Variants in PDE3A observed in about 807,000 individuals in gnomAD.
PDE3A encodes the protein phosphodiesterase 3A, also known as cGMP-inhibited 3',5'-cyclic phosphodiesterase 3A.
Under a neutral mutation model 98.3 loss-of-function variants are expected in PDE3A, and 43 were observed. That is an observed-to-expected ratio of 0.44 (90% CI 0.34 to 0.56). The LOEUF (loss-of-function observed/expected upper bound fraction) is 0.56, where lower values mean the gene tolerates loss of function less well. Among genes scored for constraint, PDE3A ranks in the 20% least tolerant of loss-of-function variants. PDE3A has a pLI of 0.01. For missense variants in PDE3A, 1,427 were observed against 1,440.7 expected (o/e 0.99, Z 0.15); for synonymous variants, 663 against 567.9 (o/e 1.17, Z -2.38).
intron 4 of PDE3A, among the ~76,000 whole-genome samples, chr12:20,619,177 T>C (rs1308631729): frequency 6.6e-6 from 1 of 152,170 alleles, no homozygotes; most frequent in East Asian, 1.9e-4. Context: ...TATAATACAT[T>C]GATTTATTGT....
chr12:20,566,722 G>GAA (rs1264135496), intron 2 of PDE3A, among the ~76,000 whole-genome samples: 1 of 151,844 alleles, frequency 6.6e-6, no homozygotes, highest in Non-Finnish European at 1.5e-5. Context: ...GGAAAATATA[G>GAA]AAAAGACCAT....
chr12:20,576,582 A>T (rs1942937502), intron 2 of PDE3A, among the ~76,000 whole-genome samples: 1 of 152,268 alleles, frequency 6.6e-6, no homozygotes, highest in African/African-American at 2.4e-5. Context: ...ATGTGAAAGG[A>T]CTATATCCAC....
At chr12:20,558,636 G>GATT (rs992788814) in intron 2 of PDE3A, among the ~76,000 whole-genome samples, 8 of 151,418 alleles carry the variant, frequency 5.3e-5, no homozygotes, top group African/African-American at 1.9e-4. Context: ...ATTTCAGGTA[G>GATT]ATAAATTAAG....
intron 1 of PDE3A, among the ~76,000 whole-genome samples, chr12:20,553,946 T>G (rs1167407962): frequency 6.6e-6 from 1 of 152,054 alleles, no homozygotes; most frequent in East Asian, 1.9e-4. Context: ...TTACATTCAA[T>G]TTTTTTAACT....
chr12:20,553,591 A>G (rs1942276321), intron 1 of PDE3A, among the ~76,000 whole-genome samples: 1 of 147,442 alleles, frequency 6.8e-6, no homozygotes, highest in African/African-American at 2.5e-5. Flanking sequence ...CTTTGCCTCA[A>G]AGCCATCCCC....
At chr12:20,444,053 A>C (rs1325452547) in intron 1 of PDE3A, among the ~76,000 whole-genome samples, 1 of 152,192 alleles carries the variant, frequency 6.6e-6, no homozygotes, top group Non-Finnish European at 1.5e-5. Context: ...CTCTACAATT[A>C]TTGAGCACAG....
chr12:20,497,674 T>C (rs1161305890), intron 1 of PDE3A, among the ~76,000 whole-genome samples: 1 of 151,926 alleles, frequency 6.6e-6, no homozygotes, highest in East Asian at 1.9e-4. Context: ...AAGATGAAGG[T>C]GGATTATTCA....
chr12:20,650,339 G>T, intron 13 of PDE3A, 106 bp from the exon 14 acceptor site: 1 of 576,416 alleles, frequency 1.7e-6, no homozygotes, highest in Non-Finnish European at 2.9e-6. Flanking sequence ...TTGGTATTAT[G>T]ATCCCTATAT....
chr12:20,668,601 C>T (rs1265626365), intron 15 of PDE3A, among the ~76,000 whole-genome samples: 6 of 152,200 alleles, frequency 3.9e-5, no homozygotes, highest in Non-Finnish European at 8.8e-5. Flanking sequence ...TGACACCTCA[C>T]ATGGCAGGGT....
chr12:20,439,276 A>G (rs1348252417), intron 1 of PDE3A, among the ~76,000 whole-genome samples: 3 of 152,162 alleles, frequency 2.0e-5, no homozygotes, highest in Non-Finnish European at 2.9e-5. Context: ...AACAAGACTC[A>G]CTCAGTTGGA....
intron 1 of PDE3A, among the ~76,000 whole-genome samples, chr12:20,373,571 C>T (rs1468452451): frequency 6.6e-6 from 1 of 152,002 alleles, no homozygotes; most frequent in Admixed American, 6.6e-5. Flanking sequence ...CTGAGACCAC[C>T]TTACACATTC....
rs530321741 is a variant in PDE3A at position 20,685,151 on chromosome 12, G to A, written c.*4880G>A. On this transcript the variant is annotated 3_prime_UTR_variant, in exon 16 of 16. Transcript: ENST00000359062. ...TTTTGGGCCGGGCGCAGTGGCTCAC[G>A]CCTGTAATCCCAGCACTTTGGGAGG... is the stretch of plus-strand genomic sequence containing the variant. Among the ~76,000 whole-genome samples, 17 of 152,244 alleles carry A rather than the reference G, an allele frequency of 1.1e-4. No homozygotes were observed. In the East Asian group the frequency reaches 1.2e-3, roughly 10 times the overall value.
chr12:20,436,638 G>T (rs1298071922), intron 1 of PDE3A, among the ~76,000 whole-genome samples: 2 of 152,160 alleles, frequency 1.3e-5, no homozygotes, highest in African/African-American at 2.4e-5. Context: ...GCTCTCTGAG[G>T]GAAGTGAATA....
intron 1 of PDE3A, among the ~76,000 whole-genome samples, chr12:20,542,980 T>C (rs751675132): frequency 3.9e-5 from 6 of 152,048 alleles, no homozygotes; most frequent in Non-Finnish European, 8.8e-5. Context: ...TATTTTATTT[T>C]TTATTTCCTA....
chr12:20,632,310 G>A (rs796149290), intron 6 of PDE3A, among the ~76,000 whole-genome samples: 2 of 151,964 alleles, frequency 1.3e-5, no homozygotes, highest in African/African-American at 2.4e-5. Context: ...ATGCAGATAC[G>A]GTCTACCTAC....
At chr12:20,634,848 A>G in intron 7 of PDE3A, 54 bp from the exon 8 acceptor site, 1 of 1,397,584 alleles carries the variant, frequency 7.2e-7, no homozygotes, top group Non-Finnish European at 1.0e-6. Flanking sequence ...TGCTTAAATG[A>G]GCCCCCTTTC....
At position 20,370,142 on chromosome 12, in the gene PDE3A, T is replaced by C; in HGVS notation, c.858T>C (p.Phe286=). ...IAGTKEDIPV[F]KRRRRSSSVV... ...GGACCAAGGAAGATATCCCGGTGTTTAAGAGGAGGAGGCGGTCCAGCTCCG... is the reference window on the plus strand; with the variant it reads ...GGACCAAGGAAGATATCCCGGTGTTCAAGAGGAGGAGGCGGTCCAGCTCCG... Residue 286 remains phenylalanine, a synonymous_variant, in exon 1 of 16, where the codon TTT becomes TTC. Transcript: ENST00000359062. 2 of 1,613,350 alleles carry C rather than the reference T, an allele frequency of 1.2e-6. No individual in the cohort carries two copies. The highest frequency in any genetic ancestry group is 1.7e-6 in the Non-Finnish European group (2 of 1,179,942).
At chr12:20,446,712 T>C (rs1241341591) in intron 1 of PDE3A, among the ~76,000 whole-genome samples, 2 of 152,150 alleles carry the variant, frequency 1.3e-5, no homozygotes, top group Admixed American at 1.3e-4. Flanking sequence ...TTCTAACAGC[T>C]AGTAATGTAT....
In PDE3A at chr12:20,370,258, A is replaced by G; in HGVS notation, c.960+14A>G. 1.3e-6 allele frequency: 2 copies of G among 1,506,842 alleles called. No homozygotes were observed. Among genetic ancestry groups the G allele is most frequent in the East Asian group, 2.3e-5 (1 of 43,762 alleles). The allele number at this position is 1,506,842 out of a possible 1,614,324, so 93.3% of individuals were successfully genotyped here. A position where few individuals can be genotyped will look rare whatever the true frequency, so the allele number is the denominator to read the frequency against. On this transcript the variant is annotated intron_variant, in intron 1 of 15. Transcript: ENST00000359062. ...CCGAGGGAACAGGTAAGCACTGGCA[A>G]CTCCTCTCTCGGCTCTTGGAAACTT...
Sources: allele counts gnomAD v4.1 joint callset (sites outside exome capture counted in the v4.1 genomes callset), GRCh38; gene constraint gnomAD v4.1.1; transcripts MANE v1.5; gene names NCBI Gene and HGNC (gene_info 2026-07-23, HGNC 2026-07-21).